Variants in ADGRL2 observed in about 807,000 individuals in gnomAD.
The protein encoded by ADGRL2 is adhesion G protein-coupled receptor L2, also known as calcium-independent alpha-latrotoxin receptor 2.
ADGRL2 carries 44 observed loss-of-function variants against 157.4 expected under a neutral mutation model. The ratio of observed to expected loss-of-function variants is 0.28; its 90% confidence interval spans 0.22 to 0.36. The LOEUF is 0.36. ADGRL2 is among the 10% of genes least tolerant of loss of function. The pLI, the probability that ADGRL2 is intolerant of heterozygous loss-of-function variation, is 1.00. For synonymous variants in ADGRL2, 585 were observed against 624.7 expected (o/e 0.94, Z 0.95); for missense variants, 1,510 against 1,768.9 (o/e 0.85, Z 2.63).
chr1:81,340,174 G>A (rs1661967009), intron 1 of ADGRL2, among the ~76,000 whole-genome samples: 1 of 152,134 alleles, frequency 6.6e-6, no homozygotes, highest in Non-Finnish European at 1.5e-5. Context: ...TTAACATTCT[G>A]TCATTTTATA....
At chr1:81,483,583 C>G (rs561733713) in intron 2 of ADGRL2, among the ~76,000 whole-genome samples, 1 of 152,172 alleles carries the variant, frequency 6.6e-6, no homozygotes, top group East Asian at 1.9e-4. Context: ...CCCCCAGAAG[C>G]AATTAAAAAT....
chr1:81,680,535 A>T (rs912317622), intron 3 of ADGRL2, among the ~76,000 whole-genome samples: 1 of 152,090 alleles, frequency 6.6e-6, no homozygotes, highest in Non-Finnish European at 1.5e-5. Flanking sequence ...TACACTGATG[A>T]TCTCATCAGA....
chr1:81,903,816 C>CAT (rs2094535698), intron 2 of ADGRL2, among the ~76,000 whole-genome samples: 1 of 98,574 alleles, frequency 1.0e-5, no homozygotes, highest in African/African-American at 3.1e-5. Flanking sequence ...TTTATATACA[C>CAT]ACACACACAC....
At chr1:81,783,582 C>T (rs975319456) in intron 2 of ADGRL2, among the ~76,000 whole-genome samples, 1 of 152,042 alleles carries the variant, frequency 6.6e-6, no homozygotes, top group African/African-American at 2.4e-5. Context: ...ATAAACATAA[C>T]TAAGAGTGAG....
chr1:81,538,533 C>T (rs1236592728), intron 2 of ADGRL2, among the ~76,000 whole-genome samples: 1 of 152,200 alleles, frequency 6.6e-6, no homozygotes, highest in African/African-American at 2.4e-5. Context: ...TGTTCAGGCA[C>T]AACCACACTA....
chr1:81,800,197 TC>T (rs1172586084), upstream of ADGRL2, among the ~76,000 whole-genome samples: 4 of 152,094 alleles, frequency 2.6e-5, no homozygotes, highest in Non-Finnish European at 5.9e-5. Flanking sequence ...GTGAGTTTAA[TC>T]AAAAACAAAC....
At chr1:81,467,065 AAAAC>A (rs2078072030) in intron 2 of ADGRL2, among the ~76,000 whole-genome samples, 1 of 152,014 alleles carries the variant, frequency 6.6e-6, no homozygotes, top group Non-Finnish European at 1.5e-5. Flanking sequence ...AAAAAGAAAA[AAAAC>A]GACTGGAAGA....
intron 1 of ADGRL2, among the ~76,000 whole-genome samples, chr1:81,832,292 C>T (rs895669465): frequency 6.6e-6 from 1 of 152,258 alleles, no homozygotes; most frequent in Non-Finnish European, 1.5e-5. Context: ...CAGGCATGCA[C>T]CACCATGTCC....
At chr1:81,313,273 A>T (rs1659875470) in intron 1 of ADGRL2, among the ~76,000 whole-genome samples, 1 of 152,216 alleles carries the variant, frequency 6.6e-6, no homozygotes, top group African/African-American at 2.4e-5. Flanking sequence ...GAGGCTTAAA[A>T]TTCTTAGGTC....
At chr1:81,971,610 T>C (rs985245469) in intron 16 of ADGRL2, among the ~76,000 whole-genome samples, 3 of 152,278 alleles carry the variant, frequency 2.0e-5, no homozygotes, top group East Asian at 1.9e-4. Context: ...GTCTTCCCCA[T>C]ACAAGCACGA....
chr1:81,558,575 C>A (rs1557460679), intron 2 of ADGRL2, among the ~76,000 whole-genome samples: 1 of 152,042 alleles, frequency 6.6e-6, no homozygotes, highest in Non-Finnish European at 1.5e-5. Flanking sequence ...ATTCTTCATG[C>A]AACCTTTCAG....
intron 2 of ADGRL2, among the ~76,000 whole-genome samples, chr1:81,889,540 A>G (rs2094209828): frequency 6.6e-6 from 1 of 151,550 alleles, no homozygotes; most frequent in South Asian, 2.1e-4. Flanking sequence ...CATGGGGCTG[A>G]AGGAAAGAAG....
chr1:81,575,916 A>G (rs2080789589), intron 2 of ADGRL2, among the ~76,000 whole-genome samples: 1 of 152,128 alleles, frequency 6.6e-6, no homozygotes, highest in Non-Finnish European at 1.5e-5. Flanking sequence ...ATAAAACCCC[A>G]TGTACCCACT....
chr1:81,539,446 C>T (rs761932228), intron 2 of ADGRL2, among the ~76,000 whole-genome samples: 31 of 152,160 alleles, frequency 2.0e-4, no homozygotes, highest in Non-Finnish European at 3.7e-4. Context: ...CATTTCACAA[C>T]GTTCACACGT....
chr1:81,839,918 T>A (rs1198799672), intron 2 of ADGRL2, among the ~76,000 whole-genome samples: 1 of 128,814 alleles, frequency 7.8e-6, no homozygotes, highest in Non-Finnish European at 1.6e-5. Context: ...TTCCATCATA[T>A]ATATATGATG....
chr1:81,947,360 A>G (rs1572294328), intron 6 of ADGRL2, among the ~76,000 whole-genome samples: 1 of 152,240 alleles, frequency 6.6e-6, no homozygotes, highest in Non-Finnish European at 1.5e-5. Flanking sequence ...AAATGTTCCC[A>G]GATAACTGCA....
intron 2 of ADGRL2, among the ~76,000 whole-genome samples, chr1:81,554,049 C>T (rs935297877): frequency 6.6e-6 from 1 of 152,172 alleles, no homozygotes; most frequent in African/African-American, 2.4e-5. Flanking sequence ...TTCCTCCTGC[C>T]TTCTAATAAT....
chr1:81,475,231 T>G (rs2078248912), intron 2 of ADGRL2, among the ~76,000 whole-genome samples: 1 of 152,164 alleles, frequency 6.6e-6, no homozygotes, highest in Non-Finnish European at 1.5e-5. Flanking sequence ...TGGGCATAAG[T>G]CATTACTGCC....
chr1:81,635,070 T>C (rs1284742642), intron 3 of ADGRL2, among the ~76,000 whole-genome samples: 1 of 152,158 alleles, frequency 6.6e-6, no homozygotes, highest in Non-Finnish European at 1.5e-5. Context: ...GGCAGATACA[T>C]AGCCTATCCT....
Sources: gnomAD v4.1 joint callset for allele counts (sites outside exome capture counted in the v4.1 genomes callset) on GRCh38, gnomAD v4.1.1 for gene constraint, MANE v1.5 for transcripts, NCBI Gene and HGNC (gene_info 2026-07-23, HGNC 2026-07-21) for gene names.